PLCXD3: variants seen among roughly 807,000 people sequenced by gnomAD.
The protein encoded by PLCXD3 is PI-PLC X domain-containing protein 3.
In PLCXD3, 19 loss-of-function variants were observed where a neutral mutation model predicts 25.5. The observed-to-expected ratio is 0.75, with a 90% CI of 0.52 to 1.09. The LOEUF (loss-of-function observed/expected upper bound fraction) is 1.09, where lower values mean the gene tolerates loss of function less well. Among genes scored for constraint, PLCXD3 ranks in the 50% least tolerant of loss-of-function variants. PLCXD3 has a pLI of 0.00. For missense variants in PLCXD3, 411 were observed against 388.1 expected (o/e 1.06, Z -0.50); for synonymous variants, 174 against 137.6 (o/e 1.26, Z -1.85).
At chr5:41,488,871 T>TC (rs1748582530) in intron 1 of PLCXD3, among the ~76,000 whole-genome samples, 5 of 150,586 alleles carry the variant, frequency 3.3e-5, no homozygotes, top group Admixed American at 2.0e-4. Context: ...TTCTCCCATT[T>TC]TGTAGGTTGC....
intron 1 of PLCXD3, among the ~76,000 whole-genome samples, chr5:41,412,589 T>C (rs1364132172): frequency 6.6e-6 from 1 of 152,196 alleles, no homozygotes; most frequent in African/African-American, 2.4e-5. Context: ...CACTCGCCCT[T>C]GATAATGACC....
intron 2 of PLCXD3, among the ~76,000 whole-genome samples, chr5:41,352,063 C>T (rs1341444319): frequency 6.6e-6 from 1 of 152,160 alleles, no homozygotes; most frequent in Non-Finnish European, 1.5e-5. Flanking sequence ...TGCAAGCTAA[C>T]AAGGCCAGAC....
intron 2 of PLCXD3, among the ~76,000 whole-genome samples, chr5:41,321,253 A>G (rs1284623756): frequency 1.3e-5 from 2 of 152,262 alleles, no homozygotes; most frequent in African/African-American, 4.8e-5. Context: ...TTTGCAGTAT[A>G]CAAAGTCAAC....
chr5:41,318,429 C>T (rs1231091428), intron 2 of PLCXD3, among the ~76,000 whole-genome samples: 1 of 151,974 alleles, frequency 6.6e-6, no homozygotes, highest in Non-Finnish European at 1.5e-5. Context: ...GTAGAAACAA[C>T]AAAATGTTTA....
At chr5:41,364,799 A>C (rs1163559165) in intron 2 of PLCXD3, among the ~76,000 whole-genome samples, 1 of 152,160 alleles carries the variant, frequency 6.6e-6, no homozygotes, top group Non-Finnish European at 1.5e-5. Context: ...CTTTTTTGTC[A>C]GGTTACTTCA....
At chr5:41,403,394 A>ATTTTTTTTTTTTTTTTTTTTTTTGTT (rs1554047940) in intron 1 of PLCXD3, among the ~76,000 whole-genome samples, 1 of 15,718 alleles carries the variant, frequency 6.4e-5, no homozygotes, top group South Asian at 1.2e-3. Flanking sequence ...AGATTGACTT[A>ATTTTTTTTTTTTTTTTTTTTTTTGTT]TTTGTTGTTT....
At chr5:41,396,717 A>G (rs62360570) in intron 1 of PLCXD3, among the ~76,000 whole-genome samples, 5,961 of 152,288 alleles carry the variant, frequency 0.039, 197 homozygotes, top group Non-Finnish European at 0.057. Context: ...TGATAGTGAT[A>G]TGGACAGTGA....
chr5:41,484,429 C>T (rs927818965), intron 1 of PLCXD3, among the ~76,000 whole-genome samples: 2 of 152,076 alleles, frequency 1.3e-5, no homozygotes, highest in Non-Finnish European at 2.9e-5. Flanking sequence ...GCTTTGAAGT[C>T]CAGCAGCTTT....
intron 1 of PLCXD3, among the ~76,000 whole-genome samples, chr5:41,384,164 C>A (rs2150493664): frequency 6.6e-6 from 1 of 152,146 alleles, no homozygotes; most frequent in Admixed American, 6.6e-5. Flanking sequence ...AAACTGCATG[C>A]CTTATCTTTA....
At chr5:41,327,400 C>T (rs1206184018) in intron 2 of PLCXD3, among the ~76,000 whole-genome samples, 1 of 149,596 alleles carries the variant, frequency 6.7e-6, no homozygotes, top group Non-Finnish European at 1.5e-5. Context: ...AAAATTTTCT[C>T]CTGCAAAGAA....
intron 2 of PLCXD3, among the ~76,000 whole-genome samples, chr5:41,329,199 G>T (rs1413621656): frequency 2.0e-5 from 3 of 152,212 alleles, no homozygotes; most frequent in Non-Finnish European, 2.9e-5. Context: ...TGTTAAAAGA[G>T]AAATTTCAGT....
chr5:41,476,676 A>C (rs146656645), intron 1 of PLCXD3, among the ~76,000 whole-genome samples: 13 of 152,142 alleles, frequency 8.5e-5, no homozygotes, highest in Non-Finnish European at 1.8e-4. Flanking sequence ...GTATTCTTTC[A>C]CTGTAGTTAA....
chr5:41,314,935 T>G (rs770358513), intron 2 of PLCXD3, among the ~76,000 whole-genome samples: 1 of 152,180 alleles, frequency 6.6e-6, no homozygotes, highest in East Asian at 1.9e-4. Flanking sequence ...GAAAGTCTTC[T>G]GAAAACCTTT....
At chr5:41,433,491 A>G (rs775369194) in intron 1 of PLCXD3, among the ~76,000 whole-genome samples, 1 of 152,076 alleles carries the variant, frequency 6.6e-6, no homozygotes, top group Non-Finnish European at 1.5e-5. Flanking sequence ...ATTCCCCTCA[A>G]TCATTGCCTA....
intron 1 of PLCXD3, among the ~76,000 whole-genome samples, chr5:41,459,413 A>G (rs1293921426): frequency 6.6e-6 from 1 of 151,878 alleles, no homozygotes; most frequent in Non-Finnish European, 1.5e-5. Flanking sequence ...TGAAAAATCA[A>G]TCAAGACAAC....
At chr5:41,323,056 C>T (rs1451559690) in intron 2 of PLCXD3, among the ~76,000 whole-genome samples, 2 of 151,798 alleles carry the variant, frequency 1.3e-5, no homozygotes, top group Non-Finnish European at 2.9e-5. Flanking sequence ...GAATAAGATT[C>T]AGTCATTTGC....
chr5:41,345,982 TG>T (rs759436483), intron 2 of PLCXD3, among the ~76,000 whole-genome samples: 3 of 152,016 alleles, frequency 2.0e-5, no homozygotes, highest in Non-Finnish European at 4.4e-5. Context: ...TGGGTTCAAG[TG>T]ATTCTCCTGC....
chr5:41,442,576 T>C (rs991119971), intron 1 of PLCXD3, among the ~76,000 whole-genome samples: 1 of 152,162 alleles, frequency 6.6e-6, no homozygotes, highest in Non-Finnish European at 1.5e-5. Context: ...CAAGACATTA[T>C]TGAGGTGTTT....
At chr5:41,337,187 C>T (rs1034717852) in intron 2 of PLCXD3, among the ~76,000 whole-genome samples, 1 of 152,070 alleles carries the variant, frequency 6.6e-6, no homozygotes, top group Non-Finnish European at 1.5e-5. Flanking sequence ...CACGTGGGTA[C>T]CTCTACTTCC....
Sources: gnomAD v4.1 joint callset for allele counts (sites outside exome capture counted in the v4.1 genomes callset) on GRCh38, gnomAD v4.1.1 for gene constraint, MANE v1.5 for transcripts, NCBI Gene and HGNC (gene_info 2026-07-23, HGNC 2026-07-21) for gene names.